BCKDHB: variants seen among roughly 807,000 people sequenced by gnomAD.
BCKDHB encodes branched chain keto acid dehydrogenase E1 subunit beta.
Under a neutral mutation model 48.5 loss-of-function variants are expected in BCKDHB, and 41 were observed. The ratio of observed to expected loss-of-function variants is 0.85; its 90% CI spans 0.66 to 1.10. The LOEUF is 1.10. BCKDHB is among the 50% of genes least tolerant of loss of function. The pLI, the probability that BCKDHB is intolerant of heterozygous loss-of-function variation, is 0.00. For missense variants in BCKDHB, 496 were observed against 494.2 expected (o/e 1.00, Z -0.03); for synonymous variants, 201 against 174.8 (o/e 1.15, Z -1.18).
At chr6:80,122,669 A>G (rs1342813921) in intron 1 of BCKDHB, among the ~76,000 whole-genome samples, 2 of 152,218 alleles carry the variant, frequency 1.3e-5, no homozygotes. Flanking sequence ...ACATGCTTCA[A>G]AGGGCAAAAA....
intron 3 of BCKDHB, among the ~76,000 whole-genome samples, chr6:80,148,567 T>C (rs964777999): frequency 6.6e-6 from 1 of 152,086 alleles, no homozygotes; most frequent in Non-Finnish European, 1.5e-5. Context: ...ATAGCAATTA[T>C]CATGAGTCTT....
the BCKDHB span, among the ~76,000 whole-genome samples, chr6:80,439,348 G>A: frequency 6.6e-6 from 1 of 152,076 alleles, no homozygotes; most frequent in Non-Finnish European, 1.5e-5. Flanking sequence ...ATTTCATAAA[G>A]GCAAATCCAG....
chr6:80,107,530 C>T (rs1283510080), intron 1 of BCKDHB, among the ~76,000 whole-genome samples: 2 of 116,774 alleles, frequency 1.7e-5, no homozygotes. Context: ...TATATATATG[C>T]ATATATATAT....
intron 8 of BCKDHB, among the ~76,000 whole-genome samples, chr6:80,221,633 A>C (rs1416410305): frequency 6.6e-6 from 1 of 151,844 alleles, no homozygotes; most frequent in Non-Finnish European, 1.5e-5. Context: ...ATTTTTTCTC[A>C]TTTGTCTAGA....
chr6:80,334,277 T>G (rs1769460044), intron 9 of BCKDHB, among the ~76,000 whole-genome samples: 1 of 152,134 alleles, frequency 6.6e-6, no homozygotes, highest in Non-Finnish European at 1.5e-5. Context: ...AATGAATAGT[T>G]TGAACTCATC....
In BCKDHB at chr6:80,232,330, G is replaced by A. The variant is rs574558956; in HGVS notation, c.951+29118G>A. Among the ~76,000 whole-genome samples the A allele has an allele frequency of 3.9e-4, 59 of 150,928 alleles. No individual in the cohort carries two copies. In the Middle Eastern group the frequency reaches 0.01, roughly 26 times the overall value. ...ATTGGGAAACCAGAGAGCTAAAATCGATCAAGATCAACCATAGAACTGTTA... is the reference window on the plus strand; with the variant it reads ...ATTGGGAAACCAGAGAGCTAAAATCAATCAAGATCAACCATAGAACTGTTA... On this transcript the variant is annotated intron_variant, in intron 8 of 9. Transcript: ENST00000320393.
the BCKDHB span, among the ~76,000 whole-genome samples, chr6:80,371,607 TGGTTTCA>T: frequency 6.6e-6 from 1 of 152,166 alleles, no homozygotes; most frequent in African/African-American, 2.4e-5. Flanking sequence ...AGAATTTTTA[TGGTTTCA>T]GGTCTTAGAT....
At chr6:80,325,682 A>G (rs754637502) in intron 9 of BCKDHB, among the ~76,000 whole-genome samples, 5 of 152,240 alleles carry the variant, frequency 3.3e-5, no homozygotes, top group African/African-American at 7.2e-5. Flanking sequence ...GACAATGAGC[A>G]GAAAACCTGT....
chr6:80,362,443 C>T, the BCKDHB span, among the ~76,000 whole-genome samples: 1 of 152,110 alleles, frequency 6.6e-6, no homozygotes, highest in Non-Finnish European at 1.5e-5. Flanking sequence ...GTTGATAGCA[C>T]TGATTTTTCA....
At chr6:80,391,349 G>A in the BCKDHB span, among the ~76,000 whole-genome samples, 113 of 152,244 alleles carry the variant, frequency 7.4e-4, no homozygotes, top group African/African-American at 2.5e-3. Flanking sequence ...AGGATCTTGA[G>A]AGGTGAAGCA....
chr6:80,405,162 GC>G, the BCKDHB span, among the ~76,000 whole-genome samples: 3 of 152,006 alleles, frequency 2.0e-5, no homozygotes, highest in South Asian at 6.2e-4. Context: ...TTATTGTATT[GC>G]TGTCTATCTT....
intron 9 of BCKDHB, among the ~76,000 whole-genome samples, chr6:80,292,821 A>G (rs1033109672): frequency 1.6e-4 from 24 of 152,164 alleles, no homozygotes; most frequent in African/African-American, 5.8e-4. Context: ...GAGTAAATAC[A>G]CTCGTTCCAA....
intron 9 of BCKDHB, among the ~76,000 whole-genome samples, chr6:80,308,469 C>T (rs551234159): frequency 6.6e-6 from 1 of 152,060 alleles, no homozygotes; most frequent in African/African-American, 2.4e-5. Flanking sequence ...CTACTACATA[C>T]ATTAAGCAAA....
chr6:80,203,197 G>A lies in BCKDHB; in HGVS notation c.936G>A (p.Val312=), dbSNP rs1314546392. 1 of 1,604,192 alleles carries A rather than the reference G, an allele frequency of 6.2e-7. No homozygotes were observed. The highest frequency in any genetic ancestry group is 1.1e-5 in the South Asian group (1 of 90,854). Residue 312 remains valine, a synonymous_variant, in exon 8 of 10, where the codon GTG becomes GTA. Transcript: ENST00000320393. ...IDLRTIIPWD[V]DTICKSVIKT... ...TGAGGACTATAATACCTTGGGATGT[G>A]GACACAATTTGTAAGGTATGAATAT...
At chr6:80,220,742 T>C (rs1209195884) in intron 8 of BCKDHB, among the ~76,000 whole-genome samples, 1 of 138,556 alleles carries the variant, frequency 7.2e-6, no homozygotes, top group Non-Finnish European at 1.7e-5. Flanking sequence ...TTCTTTTTTT[T>C]TTTTTTTTTG....
intron 6 of BCKDHB, among the ~76,000 whole-genome samples, chr6:80,187,118 C>T (rs1383710578): frequency 6.6e-6 from 1 of 152,176 alleles, no homozygotes; most frequent in African/African-American, 2.4e-5. Context: ...ATGGGAGCTA[C>T]ATGTTAGTCC....
At chr6:80,307,037 C>G (rs536222658) in intron 9 of BCKDHB, among the ~76,000 whole-genome samples, 1 of 152,128 alleles carries the variant, frequency 6.6e-6, no homozygotes, top group Non-Finnish European at 1.5e-5. Context: ...GTCCTCAAGC[C>G]TCTCTCATCA....
At chr6:80,388,413 A>AG in the BCKDHB span, among the ~76,000 whole-genome samples, 1 of 152,184 alleles carries the variant, frequency 6.6e-6, no homozygotes, top group East Asian at 1.9e-4. Flanking sequence ...TTTGAGAGAC[A>AG]GCTCCTGGCC....
rs560506999 is a variant in BCKDHB at position 80,145,378 on chromosome 6, C to T, written c.343+16149C>T. On this transcript the variant is annotated intron_variant, in intron 3 of 9. Transcript: ENST00000320393. ...GATCAGTGGTCCTTGCCTTTGCTAA[C>T]ATTGTGGTATCAGGAGTGCTTGAGG... Among the ~76,000 whole-genome samples, 8 of 152,280 alleles carry T rather than the reference C, an allele frequency of 5.3e-5. No homozygotes were observed. In the East Asian group the frequency reaches 1.4e-3, roughly 26 times the overall value.
Sources: allele counts gnomAD v4.1 joint callset (sites outside exome capture counted in the v4.1 genomes callset), GRCh38; gene constraint gnomAD v4.1.1; transcripts MANE v1.5; gene names NCBI Gene and HGNC (gene_info 2026-07-23, HGNC 2026-07-21).